Variants in POLN observed in about 807,000 individuals in gnomAD.
The protein encoded by POLN is DNA polymerase N.
A neutral mutation model predicts 113.5 loss-of-function variants in POLN; 108 were observed. The ratio of observed to expected loss-of-function variants is 0.95; its 90% CI spans 0.81 to 1.12. The LOEUF (loss-of-function observed/expected upper bound fraction) is 1.12, where lower values mean the gene tolerates loss of function less well. Ranked by LOEUF, POLN falls within the 50% of genes most tolerant of loss-of-function variation. The pLI, the probability that POLN is intolerant of heterozygous loss-of-function variation, is 0.00. For synonymous variants in POLN, 386 were observed against 391.5 expected, an observed-to-expected ratio of 0.99 and a Z score of 0.17; for missense variants, 1,097 against 1,077.1, an observed-to-expected ratio of 1.02 and a Z score of -0.26.
At chr4:2,132,940 T>A (rs568441942) in intron 16 of POLN, among the ~76,000 whole-genome samples, 8 of 152,290 alleles carry the variant, frequency 5.3e-5, no homozygotes, top group Admixed American at 5.2e-4. Flanking sequence ...ATATAATAAA[T>A]CAGCTTTTTT....
At chr4:2,129,092 A>G in intron 18 of POLN, 87 bp downstream of exon 18, 2 of 955,654 alleles carry the variant, frequency 2.1e-6, no homozygotes, top group East Asian at 2.6e-5. Flanking sequence ...TATTTGAAAG[A>G]ATGAATTCCA....
At chr4:2,164,426 G>A (rs895474470) in intron 13 of POLN, among the ~76,000 whole-genome samples, 4 of 151,076 alleles carry the variant, frequency 2.6e-5, no homozygotes, top group South Asian at 2.1e-4. Flanking sequence ...GCTTGAACCC[G>A]GGAGGTGGAG....
At chr4:2,208,991 A>G (rs540259194) in intron 4 of POLN, among the ~76,000 whole-genome samples, 42 of 152,120 alleles carry the variant, frequency 2.8e-4, no homozygotes, top group African/African-American at 9.9e-4. Context: ...TCTGTCTCGA[A>G]AAAAAAGCTC....
intron 2 of POLN, chr4:2,240,722 C>T (rs754340926): frequency 2.5e-6 from 4 of 1,614,018 alleles, no homozygotes; most frequent in Admixed American, 3.3e-5. Flanking sequence ...CATCCAATGC[C>T]GCCCCTTCTA....
At chr4:2,156,946 G>A (rs925690553) in intron 15 of POLN, 93 bp from the exon 16 acceptor site, 20 of 1,033,080 alleles carry the variant, frequency 1.9e-5, no homozygotes, top group African/African-American at 3.2e-5. Flanking sequence ...TGCAACACTC[G>A]CTGCTCCTCC....
intron 2 of POLN, chr4:2,240,797 C>T (rs759132380): frequency 6.2e-7 from 1 of 1,613,958 alleles, no homozygotes; most frequent in South Asian, 1.1e-5. Flanking sequence ...ACAACACGTT[C>T]TGTTCATTCA....
rs564102168 is a variant in POLN, at chr4:2,203,378, G to A, written c.714+4609C>T. On this transcript the variant is annotated intron_variant, in intron 5 of 25. Coordinates refer to ENST00000511885, the MANE Select transcript of POLN (RefSeq NM_181808.4). ...AGGTGGATCACAAGGTCAGGAGATC[G>A]AGACCATCCTGGCCAACATGGTGAA... Among the ~76,000 whole-genome samples, 9 of 151,756 alleles carry A rather than the reference G, an allele frequency of 5.9e-5. No homozygotes were observed. In the East Asian group the frequency reaches 1.4e-3, roughly 23 times the overall value.
chr4:2,109,178 T>C (rs1481414915), intron 19 of POLN, among the ~76,000 whole-genome samples: 2 of 152,230 alleles, frequency 1.3e-5, no homozygotes, highest in Admixed American at 6.5e-5. Context: ...GAGGAAATGA[T>C]TGAATATGAA....
intron 24 of POLN, among the ~76,000 whole-genome samples, chr4:2,073,778 C>T (rs1035893478): frequency 1.3e-5 from 2 of 152,266 alleles, no homozygotes; most frequent in Non-Finnish European, 2.9e-5. Context: ...GGCGCCACCT[C>T]ACTTTCCAGC....
intron 7 of POLN, among the ~76,000 whole-genome samples, chr4:2,182,108 G>A (rs764475347): frequency 8.5e-5 from 13 of 152,128 alleles, no homozygotes; most frequent in Non-Finnish European, 1.8e-4. Flanking sequence ...AGAATCAAGA[G>A]TCTAGAAATA....
At chr4:2,229,035 T>C (rs984953241) in intron 3 of POLN, 64 bp downstream of exon 3, 143 of 1,465,864 alleles carry the variant, frequency 9.8e-5, no homozygotes, top group Non-Finnish European at 1.3e-4. Flanking sequence ...TTTCAATTCT[T>C]AGTCTTTAGA....
At chr4:2,131,369 C>T in intron 16 of POLN, 79 bp from the exon 17 acceptor site, 1 of 941,208 alleles carries the variant, frequency 1.1e-6, no homozygotes, top group East Asian at 2.6e-5. Flanking sequence ...ATGTACATCA[C>T]ATTTTATTAA....
chr4:2,210,582 AAATAATAAT>A (rs376506693), intron 4 of POLN, among the ~76,000 whole-genome samples: 1,499 of 121,124 alleles, frequency 0.012, 15 homozygotes, highest in African/African-American at 0.026. Flanking sequence ...GAAAGTCTCA[AAATAATAAT>A]AATAATAATA....
At chr4:2,171,631 C>G (rs1390146944) in intron 11 of POLN, among the ~76,000 whole-genome samples, 1 of 151,454 alleles carries the variant, frequency 6.6e-6, no homozygotes, top group African/African-American at 2.4e-5. Flanking sequence ...TATAATTTAT[C>G]AAAATAAGCA....
chr4:2,235,339 G>A (rs761152446), intron 2 of POLN, among the ~76,000 whole-genome samples: 20 of 152,178 alleles, frequency 1.3e-4, no homozygotes, highest in Non-Finnish European at 2.6e-4. Context: ...CTTCACACCC[G>A]TTGGGATGGC....
chr4:2,219,561 T>A (rs1027705139), intron 3 of POLN, among the ~76,000 whole-genome samples: 2 of 152,230 alleles, frequency 1.3e-5, no homozygotes, highest in African/African-American at 4.8e-5. Context: ...TCTCCTATTA[T>A]CAGCCCTGGT....
chr4:2,152,511 T>C (rs1732321099), intron 16 of POLN, among the ~76,000 whole-genome samples: 3 of 151,584 alleles, frequency 2.0e-5, no homozygotes, highest in Non-Finnish European at 4.4e-5. Flanking sequence ...TTAAAATTTA[T>C]GTAGAGATGG....
intron 6 of POLN, among the ~76,000 whole-genome samples, chr4:2,196,661 G>A (rs1283143911): frequency 1.3e-5 from 2 of 151,580 alleles, no homozygotes; most frequent in African/African-American, 4.8e-5. Context: ...AAAGCCCATG[G>A]TTTTTAGAGT....
chr4:2,090,436 A>C (rs535624697), intron 20 of POLN: 1 of 597,228 alleles, frequency 1.7e-6, no homozygotes, highest in Non-Finnish European at 3.1e-6. Context: ...AGATTCTTTC[A>C]GATCTTCATG....
Sources: allele counts gnomAD v4.1 joint callset (sites outside exome capture counted in the v4.1 genomes callset), GRCh38; gene constraint gnomAD v4.1.1; transcripts MANE v1.5; gene names NCBI Gene and HGNC (gene_info 2026-07-23, HGNC 2026-07-21).